Variants in NLRP5 observed in about 807,000 individuals in gnomAD.
The protein encoded by NLRP5 is NACHT, LRR and PYD domains-containing protein 5.
NLRP5 carries 93 observed loss-of-function variants against 113.1 expected under a neutral mutation model. That is an observed-to-expected ratio of 0.82 (90% confidence interval 0.70 to 0.98). The LOEUF is 0.98. NLRP5 is among the 50% of genes least tolerant of loss of function. NLRP5 has a pLI of 0.00. For synonymous variants in NLRP5, 751 were observed against 600.7 expected (o/e 1.25, Z -3.66); for missense variants, 1,808 against 1,514.3 (o/e 1.19, Z -3.22).
chr19:56,056,727 T>C (rs532687776), intron 13 of NLRP5, among the ~76,000 whole-genome samples: 17 of 152,248 alleles, frequency 1.1e-4, no homozygotes, highest in Non-Finnish European at 2.2e-4. Flanking sequence ...TTTGTCTTTA[T>C]AAATGCTTAG....
At chr19:56,026,552 G>T (rs1210076568) in intron 6 of NLRP5, among the ~76,000 whole-genome samples, 1 of 110,798 alleles carries the variant, frequency 9.0e-6, no homozygotes, top group East Asian at 2.5e-4. Flanking sequence ...AAAAAAAATA[G>T]ACTGGCTTCA....
Position 56,038,109 on chromosome 19 carries a change from C to G in NLRP5, c.2700C>G (p.Ser900Arg), listed in dbSNP as rs376033600. The G allele has an allele frequency of 6.2e-7, 1 of 1,613,884 alleles. No homozygotes were observed. Among genetic ancestry groups the G allele is most frequent in the Non-Finnish European group, 8.5e-7 (1 of 1,179,794 alleles). Residue 900 changes from serine to arginine, a missense_variant, in exon 10 of 15, where the codon AGC becomes AGG. Physicochemically the swap from Ser to Arg is moderately radical, Grantham distance 110 (BLOSUM62 -1). Coordinates refer to ENST00000390649, the MANE Select transcript of NLRP5 (RefSeq NM_153447.4). The stretch of plus-strand genomic sequence containing the variant: ...CCTCCCCCAGCCTGAAATCTCTGAG[C>G]CTGGCAGGAAACAAGGTGACAGACC...
chr19:56,021,794 G>A (rs892294039), intron 6 of NLRP5, among the ~76,000 whole-genome samples: 2 of 152,232 alleles, frequency 1.3e-5, no homozygotes, highest in African/African-American at 4.8e-5. Flanking sequence ...CTAGGAGGCA[G>A]TGATGGAAAG....
chr19:56,034,675 C>T (rs78635309), intron 9 of NLRP5, among the ~76,000 whole-genome samples: 1,957 of 152,230 alleles, frequency 0.013, 33 homozygotes, highest in African/African-American at 0.044. Context: ...TGTGGTACAT[C>T]GTCGCCTGAA....
intron 3 of NLRP5, among the ~76,000 whole-genome samples, chr19:56,013,596 G>GGTTTTCTT (rs1555765383): frequency 6.7e-5 from 4 of 59,284 alleles, no homozygotes; most frequent in Admixed American, 2.1e-4. Flanking sequence ...GGACATTTGG[G>GGTTTTCTT]TTTTTTTTTT....
upstream of NLRP5, among the ~76,000 whole-genome samples, chr19:55,997,720 G>A (rs909366309): frequency 2.0e-5 from 3 of 152,168 alleles, no homozygotes; most frequent in Admixed American, 1.3e-4. Context: ...AAAAATAGCT[G>A]GGTGTGGTGG....
intron 5 of NLRP5, among the ~76,000 whole-genome samples, 158 bp from the exon 6 acceptor site, chr19:56,020,217 A>G (rs1372712244): frequency 4.6e-5 from 7 of 151,942 alleles, no homozygotes; most frequent in African/African-American, 9.7e-5. Flanking sequence ...ATTAGTGCTC[A>G]TTGTACCAGT....
At chr19:55,987,133 C>T in the NLRP5 span, among the ~76,000 whole-genome samples, 6 of 152,312 alleles carry the variant, frequency 3.9e-5, no homozygotes, top group African/African-American at 1.4e-4. Flanking sequence ...CTTTGGGAGG[C>T]CGAGGCAGGT....
intron 6 of NLRP5, among the ~76,000 whole-genome samples, chr19:56,024,360 CAA>C (rs1982730211): frequency 1.6e-5 from 2 of 123,988 alleles, no homozygotes; most frequent in African/African-American, 6.1e-5. Flanking sequence ...AAAAAAAGAA[CAA>C]ATATATATAT....
the NLRP5 span, among the ~76,000 whole-genome samples, chr19:55,986,942 C>T: frequency 1.7e-4 from 26 of 152,220 alleles, no homozygotes; most frequent in Non-Finnish European, 3.5e-4. Flanking sequence ...GCTCAAAGCC[C>T]AGGACCAAAG....
At chr19:56,007,385 C>A (rs645588) in intron 2 of NLRP5, among the ~76,000 whole-genome samples, 23,722 of 148,036 alleles carry the variant, frequency 0.16, 2,365 homozygotes, top group East Asian at 0.29. Context: ...GAAAGTCTTA[C>A]AGTTCCTATT....
Position 56,032,766 on chromosome 19 carries a change from A to G in NLRP5, c.2432A>G (p.Lys811Arg). The G allele has an allele frequency of 1.2e-6, 2 of 1,611,142 alleles. No individual in the cohort carries two copies. Among genetic ancestry groups the G allele is most frequent in the Non-Finnish European group, 1.7e-6 (2 of 1,179,244 alleles). ...GCCAAGCTGAGGCATCCCACCTGCAAGATACAGACCCTGATGTAAGGCTGC... is the reference window on the plus strand; with the variant it reads ...GCCAAGCTGAGGCATCCCACCTGCAGGATACAGACCCTGATGTAAGGCTGC... Residue 811 changes from lysine (K) to arginine (R), a missense_variant, in exon 8 of 15, where the codon AAG becomes AGG. Transcript: ENST00000390649.
At chr19:56,030,920 G>A (rs2123310260) in intron 7 of NLRP5, among the ~76,000 whole-genome samples, 1 of 151,728 alleles carries the variant, frequency 6.6e-6, no homozygotes, top group East Asian at 2.0e-4. Context: ...CACCATATTG[G>A]CCAGGCTGGT....
At chr19:56,049,131 G>A (rs1177012593) in intron 11 of NLRP5, among the ~76,000 whole-genome samples, 1 of 148,572 alleles carries the variant, frequency 6.7e-6, no homozygotes, top group Admixed American at 6.7e-5. Context: ...ACAGGTGTGT[G>A]CCGCCACACC....
intron 3 of NLRP5, among the ~76,000 whole-genome samples, chr19:56,015,276 AC>A (rs1486970266): frequency 6.6e-6 from 1 of 151,808 alleles, no homozygotes; most frequent in Non-Finnish European, 1.5e-5. Flanking sequence ...GCTCACTGAA[AC>A]CTCTGCCTCC....
chr19:55,987,012 A>T, the NLRP5 span, among the ~76,000 whole-genome samples: 1 of 151,778 alleles, frequency 6.6e-6, no homozygotes, highest in South Asian at 2.1e-4. Flanking sequence ...TTCCTCTAAA[A>T]CCTCATATTT....
intron 1 of NLRP5, among the ~76,000 whole-genome samples, chr19:56,001,344 A>AAC (rs1267935777): frequency 6.6e-6 from 1 of 151,298 alleles, no homozygotes; most frequent in Non-Finnish European, 1.5e-5. Flanking sequence ...AACAAACAAA[A>AAC]AACACCACAG....
At chr19:56,023,959 C>G (rs955547941) in intron 6 of NLRP5, among the ~76,000 whole-genome samples, 1 of 151,990 alleles carries the variant, frequency 6.6e-6, no homozygotes, top group African/African-American at 2.4e-5. Flanking sequence ...GGATATGAAT[C>G]TTTTTCACGT....
In NLRP5 at chr19:56,021,117, A is replaced by G. The variant is rs371379277; in HGVS notation, c.679+686A>G. Among the ~76,000 whole-genome samples, 24 of 152,030 alleles carry G rather than the reference A, an allele frequency of 1.6e-4. No individual in the cohort carries two copies. In the South Asian group the frequency reaches 2.9e-3, roughly 18 times the overall value. On this transcript the variant is annotated intron_variant, in intron 6 of 14. Transcript: ENST00000390649. ...GCACTCCTGATCTCGTGATCTGCCC[A>G]CCTTAGCCTCCCAAAGTGCTGGGAT...
Sources: gnomAD v4.1 joint callset for allele counts (sites outside exome capture counted in the v4.1 genomes callset) on GRCh38, gnomAD v4.1.1 for gene constraint, MANE v1.5 for transcripts, NCBI Gene and HGNC (gene_info 2026-07-23, HGNC 2026-07-21) for gene names.